The following PRKG1 variants were observed in gnomAD, a reference collection of about 807,000 sequenced individuals.
PRKG1 encodes the protein protein kinase cGMP-dependent 1, also known as cGMP-dependent protein kinase 1.
Under a neutral mutation model 88.1 loss-of-function variants are expected in PRKG1, and 35 were observed. That is an observed-to-expected ratio of 0.40 (90% confidence interval 0.30 to 0.53). The LOEUF (loss-of-function observed/expected upper bound fraction) is 0.53, where lower values mean the gene tolerates loss of function less well. PRKG1 is among the 20% of genes least tolerant of loss of function. The pLI, the probability that PRKG1 is intolerant of heterozygous loss-of-function variation, is 0.59. For synonymous variants in PRKG1, 303 were observed against 292.5 expected (o/e 1.04, Z -0.37); for missense variants, 540 against 839.8 (o/e 0.64, Z 4.41).
chr10:51,677,626 C>G (rs1162311941), intron 3 of PRKG1, among the ~76,000 whole-genome samples: 1 of 152,186 alleles, frequency 6.6e-6, no homozygotes, highest in Non-Finnish European at 1.5e-5. Context: ...AACAAAGACT[C>G]ATAAAGCACT....
At chr10:52,016,339 C>A (rs2133181615) in intron 5 of PRKG1, among the ~76,000 whole-genome samples, 1 of 152,292 alleles carries the variant, frequency 6.6e-6, no homozygotes, top group South Asian at 2.1e-4. Context: ...AATGGGGAAT[C>A]TGCCAAACAG....
At chr10:51,699,636 G>C (rs1589214277) in intron 3 of PRKG1, 2 of 1,461,374 alleles carry the variant, frequency 1.4e-6, no homozygotes, top group East Asian at 4.6e-5. Context: ...AACGGAAGCG[G>C]CTTTCAAGAT....
intron 2 of PRKG1, among the ~76,000 whole-genome samples, chr10:51,234,952 T>C (rs553059210): frequency 8.5e-5 from 13 of 152,212 alleles, no homozygotes; most frequent in Non-Finnish European, 1.5e-4. Flanking sequence ...GTATATACTA[T>C]CTGTAAGTAG....
intron 4 of PRKG1, among the ~76,000 whole-genome samples, chr10:51,830,636 A>G (rs994816068): frequency 7.2e-6 from 1 of 139,676 alleles, no homozygotes. Context: ...ATCTCGGCTC[A>G]CTGCAACCTC....
At chr10:52,137,514 G>A (rs1293490024) in intron 8 of PRKG1, among the ~76,000 whole-genome samples, 1 of 151,918 alleles carries the variant, frequency 6.6e-6, no homozygotes, top group Non-Finnish European at 1.5e-5. Flanking sequence ...TATCCACGGG[G>A]GATTGGTTCA....
At chr10:51,235,672 A>T (rs1198384469) in intron 2 of PRKG1, among the ~76,000 whole-genome samples, 1 of 152,198 alleles carries the variant, frequency 6.6e-6, no homozygotes, top group African/African-American at 2.4e-5. Flanking sequence ...TTACACAGAG[A>T]TTTTCTGATA....
intron 3 of PRKG1, among the ~76,000 whole-genome samples, chr10:51,685,737 C>G (rs952858573): frequency 6.6e-6 from 1 of 152,126 alleles, no homozygotes; most frequent in Admixed American, 6.6e-5. Context: ...TTCTGAACAG[C>G]TGGAAATGAA....
At chr10:52,005,570 C>G (rs1844712833) in intron 5 of PRKG1, among the ~76,000 whole-genome samples, 1 of 152,158 alleles carries the variant, frequency 6.6e-6, no homozygotes, top group African/African-American at 2.4e-5. Flanking sequence ...GCACAGCTCG[C>G]TGTTGTCCCA....
intron 8 of PRKG1, among the ~76,000 whole-genome samples, chr10:52,144,018 G>A (rs1440134259): frequency 3.3e-5 from 5 of 152,180 alleles, no homozygotes; most frequent in Non-Finnish European, 5.9e-5. Flanking sequence ...GGAACATTGA[G>A]GATGGAGGAA....
At chr10:51,129,755 G>A (rs1042389691) in intron 1 of PRKG1, among the ~76,000 whole-genome samples, 1 of 152,178 alleles carries the variant, frequency 6.6e-6, no homozygotes, top group African/African-American at 2.4e-5. Flanking sequence ...CCTTTTGGTA[G>A]CCACGTTGCC....
intron 5 of PRKG1, among the ~76,000 whole-genome samples, chr10:51,949,136 CAATTTA>C (rs1843125907): frequency 6.6e-6 from 1 of 152,076 alleles, no homozygotes; most frequent in African/African-American, 2.4e-5. Flanking sequence ...ATGAAGCCTA[CAATTTA>C]ATGAAGGTGT....
chr10:51,139,905 T>G (rs1386235275), intron 1 of PRKG1, among the ~76,000 whole-genome samples: 2 of 152,216 alleles, frequency 1.3e-5, no homozygotes, highest in African/African-American at 4.8e-5. Flanking sequence ...CTTTAACAGC[T>G]TTTCATTTCA....
intron 2 of PRKG1, among the ~76,000 whole-genome samples, chr10:51,377,500 G>C (rs1842840802): frequency 6.6e-6 from 1 of 152,080 alleles, no homozygotes; most frequent in South Asian, 2.1e-4. Context: ...TGGTAGCCTG[G>C]GCTCTGCTAG....
intron 7 of PRKG1, among the ~76,000 whole-genome samples, chr10:52,069,795 T>C (rs924140158): frequency 1.3e-5 from 2 of 152,136 alleles, no homozygotes; most frequent in African/African-American, 4.8e-5. Context: ...TATATATGTA[T>C]TCATATTTGT....
At chr10:52,271,289 A>G in intron 10 of PRKG1, 61 bp from the exon 11 acceptor site, 1 of 1,536,836 alleles carries the variant, frequency 6.5e-7, no homozygotes, top group Non-Finnish European at 8.9e-7. Context: ...TAATTTGGGG[A>G]TAATAATGCA....
At chr10:51,933,816 T>C (rs988199060) in intron 5 of PRKG1, among the ~76,000 whole-genome samples, 1 of 152,128 alleles carries the variant, frequency 6.6e-6, no homozygotes, top group Non-Finnish European at 1.5e-5. Context: ...AAGAAGAAGA[T>C]TTTACATTGC....
In PRKG1 at chr10:51,481,358, G is replaced by A. The variant is rs146989127; in HGVS notation, c.592+13522G>A. On this transcript the variant is annotated intron_variant, in intron 3 of 17. Transcript: ENST00000373980. ...CATCTCACAGGTTAAAGCAATTCTCGTGCCTCAACTTCCCAAGTAGCTGGG... is the reference window on the plus strand; with the variant it reads ...CATCTCACAGGTTAAAGCAATTCTCATGCCTCAACTTCCCAAGTAGCTGGG... Among the ~76,000 whole-genome samples, 362 of 151,872 alleles carry A rather than the reference G, an allele frequency of 2.4e-3. 1 individual carries two copies. Among genetic ancestry groups the A allele is most frequent in the African/African-American group, 8.1e-3 (336 of 41,428 alleles).
chr10:52,128,991 C>T (rs190689496), intron 7 of PRKG1, among the ~76,000 whole-genome samples: 1 of 152,056 alleles, frequency 6.6e-6, no homozygotes, highest in East Asian at 1.9e-4. Flanking sequence ...ACATTATAAC[C>T]CTAGTTATAA....
chr10:51,325,736 T>C lies in PRKG1; in HGVS notation c.479-141987T>C, dbSNP rs181238884. On this transcript the variant is annotated intron_variant, in intron 2 of 17. Transcript: ENST00000373980. ...CTCCAATATTTTCTTCTAGTAGTTT[T>C]ATAGTTTCTTTCCTGACTGTGCAGG... is the stretch of plus-strand genomic sequence containing the variant. Among the ~76,000 whole-genome samples the C allele has an allele frequency of 3.9e-5, 6 of 152,292 alleles. No homozygotes were observed. The East Asian group carries it at 1.2e-3, about 29-fold the overall frequency.
Sources: allele counts gnomAD v4.1 joint callset (sites outside exome capture counted in the v4.1 genomes callset), GRCh38; gene constraint gnomAD v4.1.1; transcripts MANE v1.5; gene names NCBI Gene and HGNC (gene_info 2026-07-23, HGNC 2026-07-21).